The following CSMD2 variants were observed in gnomAD, a reference collection of about 807,000 sequenced individuals.
The protein encoded by CSMD2 is CUB and sushi domain-containing protein 2.
A neutral mutation model predicts 398.5 loss-of-function variants in CSMD2; 130 were observed. The observed-to-expected ratio is 0.33, with a 90% CI of 0.28 to 0.38. The LOEUF is 0.38. Among genes scored for constraint, CSMD2 ranks in the 10% least tolerant of loss-of-function variants. CSMD2 has a pLI of 1.00. For missense variants in CSMD2, 3,829 were observed against 4,764.9 expected (o/e 0.80, Z 5.78); for synonymous variants, 1,828 against 1,908.5 (o/e 0.96, Z 1.10).
chr1:33,914,404 GTGTGTGTT>G (rs1158090785), intron 5 of CSMD2, among the ~76,000 whole-genome samples: 2 of 147,534 alleles, frequency 1.4e-5, no homozygotes, highest in Non-Finnish European at 3.1e-5. Context: ...GTGTGTGTGT[GTGTGTGTT>G]TGTGTGTATG....
chr1:33,581,997 C>T (rs1638760967), intron 47 of CSMD2, among the ~76,000 whole-genome samples: 1 of 152,166 alleles, frequency 6.6e-6, no homozygotes, highest in Non-Finnish European at 1.5e-5. Context: ...GACCATAGTT[C>T]TCAGGAAGAC....
chr1:33,843,309 G>T (rs1286575535), intron 6 of CSMD2, among the ~76,000 whole-genome samples: 1 of 152,208 alleles, frequency 6.6e-6, no homozygotes, highest in Non-Finnish European at 1.5e-5. Flanking sequence ...TGTGGTATTA[G>T]GTAAAATTGT....
At chr1:33,553,816 C>T (rs1657693196) in intron 55 of CSMD2, among the ~76,000 whole-genome samples, 1 of 152,110 alleles carries the variant, frequency 6.6e-6, no homozygotes, top group African/African-American at 2.4e-5. Flanking sequence ...AGGGGGCTGT[C>T]CTGTGCATTG....
intron 32 of CSMD2, among the ~76,000 whole-genome samples, chr1:33,632,590 G>GT (rs892628437): frequency 1.2e-4 from 18 of 152,084 alleles, no homozygotes; most frequent in Non-Finnish European, 1.9e-4. Flanking sequence ...TGACGCTTTT[G>GT]TTTTTTTAAT....
intron 2 of CSMD2, among the ~76,000 whole-genome samples, chr1:34,070,617 C>T (rs531127180): frequency 2.0e-5 from 3 of 152,326 alleles, no homozygotes; most frequent in South Asian, 2.1e-4. Context: ...ACACTGGGCA[C>T]TTACATGGGT....
intron 10 of CSMD2, among the ~76,000 whole-genome samples, chr1:33,806,104 G>A (rs1025119243): frequency 8.5e-5 from 13 of 152,076 alleles, no homozygotes; most frequent in African/African-American, 2.7e-4. Flanking sequence ...CAGCACAATG[G>A]TGACTGTAAT....
intron 5 of CSMD2, among the ~76,000 whole-genome samples, chr1:33,897,397 G>C (rs1570433933): frequency 6.6e-6 from 1 of 152,344 alleles, no homozygotes; most frequent in South Asian, 2.1e-4. Context: ...TTCCTCATCT[G>C]TGGAATCTGG....
intron 65 of CSMD2, among the ~76,000 whole-genome samples, chr1:33,526,277 T>C (rs1345219600): frequency 6.6e-6 from 1 of 152,090 alleles, no homozygotes; most frequent in Non-Finnish European, 1.5e-5. Context: ...CAGTATAGCA[T>C]GGTGAATTGG....
chr1:33,700,069 C>T (rs545062038), intron 23 of CSMD2, among the ~76,000 whole-genome samples: 9 of 151,490 alleles, frequency 5.9e-5, no homozygotes, highest in Non-Finnish European at 1.2e-4. Flanking sequence ...AGTGCAGTGG[C>T]GCAATCTCGG....
chr1:33,615,371 T>C (rs1271446021), intron 39 of CSMD2, among the ~76,000 whole-genome samples: 1 of 152,164 alleles, frequency 6.6e-6, no homozygotes, highest in African/African-American at 2.4e-5. Flanking sequence ...TAGCCAGTCT[T>C]AGAGACCCAG....
chr1:33,921,484 C>T (rs1437017172), intron 4 of CSMD2, among the ~76,000 whole-genome samples: 2 of 152,240 alleles, frequency 1.3e-5, no homozygotes, highest in Non-Finnish European at 2.9e-5. Flanking sequence ...AGTCCTGTCA[C>T]TGGCCCTCAC....
At chr1:33,810,700 A>G (rs753317368) in intron 10 of CSMD2, 43 bp downstream of exon 10, 6 of 1,602,544 alleles carry the variant, frequency 3.7e-6, no homozygotes, top group Non-Finnish European at 5.1e-6. Context: ...TCCCCAACCT[A>G]GCCCTGCCCA....
intron 2 of CSMD2, among the ~76,000 whole-genome samples, chr1:34,072,234 C>A (rs1655805858): frequency 1.3e-5 from 2 of 152,176 alleles, no homozygotes. Flanking sequence ...TTTAGATTTA[C>A]TTTAATTCCA....
At chr1:33,670,852 G>T (rs4653334) in intron 25 of CSMD2, among the ~76,000 whole-genome samples, 22,302 of 152,188 alleles carry the variant, frequency 0.15, 1,902 homozygotes, top group Admixed American at 0.24. Context: ...GTACGGAGAA[G>T]CCCCCTAACT....
intron 3 of CSMD2, among the ~76,000 whole-genome samples, chr1:33,957,369 T>C (rs1645203036): frequency 6.6e-6 from 1 of 152,134 alleles, no homozygotes; most frequent in South Asian, 2.1e-4. Flanking sequence ...GGCAAGACGT[T>C]GTACTAGATG....
intron 14 of CSMD2, among the ~76,000 whole-genome samples, chr1:33,740,166 G>A (rs2149247943): frequency 6.6e-6 from 1 of 152,296 alleles, no homozygotes; most frequent in Non-Finnish European, 1.5e-5. Flanking sequence ...CTGAAGATGA[G>A]TTCCCTTCCT....
chr1:33,815,645 G>A (rs1036358826), intron 9 of CSMD2, among the ~76,000 whole-genome samples: 1 of 152,278 alleles, frequency 6.6e-6, no homozygotes, highest in African/African-American at 2.4e-5. Flanking sequence ...TTGTGCCCTT[G>A]GGCAAGTTGG....
At chr1:33,565,595 A>T (rs1658987119) in intron 53 of CSMD2, among the ~76,000 whole-genome samples, 2 of 152,282 alleles carry the variant, frequency 1.3e-5, no homozygotes, top group East Asian at 3.9e-4. Flanking sequence ...AAAGCCATAA[A>T]ATGAATAGAA....
intron 41 of CSMD2, among the ~76,000 whole-genome samples, chr1:33,609,226 C>CG (rs11390873): frequency 0.047 from 7,214 of 152,218 alleles, 582 homozygotes; most frequent in African/African-American, 0.16. Flanking sequence ...AGATGGACCC[C>CG]GGAACCCTGA....
Sources: gnomAD v4.1 joint callset for allele counts (sites outside exome capture counted in the v4.1 genomes callset) on GRCh38, gnomAD v4.1.1 for gene constraint, MANE v1.5 for transcripts, NCBI Gene and HGNC (gene_info 2026-07-23, HGNC 2026-07-21) for gene names.